Variants in TANC2 observed in about 807,000 individuals in gnomAD.
TANC2 encodes tetratricopeptide repeat, ankyrin repeat and coiled-coil containing 2.
Under a neutral mutation model 210.5 loss-of-function variants are expected in TANC2, and 26 were observed. The ratio of observed to expected loss-of-function variants is 0.12; its 90% CI spans 0.09 to 0.17. The LOEUF is 0.17. Ranked by LOEUF, TANC2 falls within the 10% of genes least tolerant of loss-of-function variation. TANC2 has a pLI of 1.00. For missense variants in TANC2, 2,129 were observed against 2,608.9 expected (o/e 0.82, Z 4.01); for synonymous variants, 931 against 967.1 (o/e 0.96, Z 0.69).
intron 4 of TANC2, among the ~76,000 whole-genome samples, chr17:63,119,914 G>A (rs529207757): frequency 2.6e-5 from 4 of 152,080 alleles, no homozygotes; most frequent in Admixed American, 1.3e-4. Context: ...CAGCTACTTG[G>A]GAGGCTGAGG....
intron 9 of TANC2, among the ~76,000 whole-genome samples, chr17:63,302,548 T>C (rs1598809800): frequency 1.3e-5 from 2 of 151,266 alleles, no homozygotes; most frequent in South Asian, 4.2e-4. Flanking sequence ...TCTTTTTTGA[T>C]CTTTGTTGGT....
intron 2 of TANC2, among the ~76,000 whole-genome samples, chr17:63,019,241 A>T (rs991739953): frequency 6.6e-6 from 1 of 152,094 alleles, no homozygotes; most frequent in Non-Finnish European, 1.5e-5. Flanking sequence ...TTATGGGGAC[A>T]GAGTCTCGCT....
At chr17:63,010,707 A>G (rs1255771847) in intron 2 of TANC2, among the ~76,000 whole-genome samples, 1 of 152,096 alleles carries the variant, frequency 6.6e-6, no homozygotes, top group South Asian at 2.1e-4. Flanking sequence ...CCCCTTTCTC[A>G]GGTTCTATCA....
chr17:63,168,125 T>C (rs1253582968), intron 5 of TANC2, among the ~76,000 whole-genome samples: 1 of 152,072 alleles, frequency 6.6e-6, no homozygotes, highest in Non-Finnish European at 1.5e-5. Context: ...CCCAACACTT[T>C]GGGAGGACGA....
At chr17:63,176,982 G>A (rs140252167) in intron 5 of TANC2, among the ~76,000 whole-genome samples, 322 of 151,862 alleles carry the variant, frequency 2.1e-3, no homozygotes, top group Middle Eastern at 0.01. Flanking sequence ...ACTGAATTGC[G>A]GCTGGGCACG....
At chr17:63,030,543 T>G (rs531590607) in intron 2 of TANC2, among the ~76,000 whole-genome samples, 8 of 152,122 alleles carry the variant, frequency 5.3e-5, no homozygotes, top group Non-Finnish European at 1.0e-4. Context: ...CTTGGGTCCC[T>G]TTTTAAGTTA....
chr17:63,421,523 G>A lies in TANC2; in HGVS notation c.5793G>A (p.Gly1931=). 6.2e-6 allele frequency: 10 copies of A among 1,614,004 alleles called. No individual in the cohort carries two copies. The highest frequency in any genetic ancestry group is 8.5e-6 in the Non-Finnish European group (10 of 1,179,900). The change falls in exon 28 of 28, where the codon GGG becomes GGA. Residue 1931 remains glycine, a synonymous_variant. Coordinates refer to ENST00000689528, the Ensembl canonical transcript of TANC2. This position sits in a 1 kb window ranked among gnomAD's most constrained non-coding sequence, Gnocchi z 6.9. Reference sequence around the variant, plus strand: ...GATCCAGGACCACACCATTCATGGGGATCATAGATAAAACAGCACGGACTC... The same window carrying A: ...GATCCAGGACCACACCATTCATGGGAATCATAGATAAAACAGCACGGACTC...
rs796816347 is a variant in TANC2 at position 63,346,872 on chromosome 17, A to AT, written c.1808-4364dup. ...AGGCATACACCACCATACCTGGCTA[A>AT]TTTTTTTTTTTTTTCAGAGATGGGG... On this transcript the variant is annotated intron_variant, in intron 12 of 27. Transcript: ENST00000689528. Among the ~76,000 whole-genome samples, 669 of 142,504 alleles carry AT rather than the reference A, an allele frequency of 4.7e-3. 5 individuals are homozygous for AT. Among genetic ancestry groups the AT allele is most frequent in the African/African-American group, 8.5e-3 (332 of 39,066 alleles). 93.5% of individuals were successfully genotyped at this position (142,504 alleles called of 152,430 possible).
intron 14 of TANC2, among the ~76,000 whole-genome samples, chr17:63,356,418 A>G (rs908669924): frequency 1.3e-5 from 2 of 152,180 alleles, no homozygotes; most frequent in African/African-American, 4.8e-5. Context: ...GCCAGATTTG[A>G]CTATGCCTCA....
chr17:63,263,100 G>A lies in TANC2; in HGVS notation c.1034-4648G>A, dbSNP rs759274928. Among the ~76,000 whole-genome samples the A allele has an allele frequency of 1.5e-3, 234 of 152,168 alleles. 2 individuals are homozygous for A. Among genetic ancestry groups the A allele is most frequent in the Non-Finnish European group, 8.8e-4 (60 of 67,992 alleles). ...TCCAGTAGACCTAGATAACTAAGAC[G>A]GGAAACATAAAGCGTGTGTATTGTT... On this transcript the variant is annotated intron_variant, in intron 8 of 27. Transcript: ENST00000689528.
At chr17:63,317,276 C>T (rs2045345435) in intron 10 of TANC2, among the ~76,000 whole-genome samples, 1 of 152,028 alleles carries the variant, frequency 6.6e-6, no homozygotes, top group South Asian at 2.1e-4. Context: ...CCTTGCTTGG[C>T]TGTCCTTCCC....
At position 63,121,778 on chromosome 17, in the gene TANC2, C is replaced by T. The variant is rs558866879; in HGVS notation, c.322+22421C>T. ...GTTGAAGACATGCTACTTAGATCATCGGGTCTGGGTATCATTTTAAAAATA... is the reference window on the plus strand; with the variant it reads ...GTTGAAGACATGCTACTTAGATCATTGGGTCTGGGTATCATTTTAAAAATA... On this transcript the variant is annotated intron_variant, in intron 4 of 27. Coordinates refer to ENST00000689528, the Ensembl canonical transcript of TANC2. Among the ~76,000 whole-genome samples, 31 of 152,152 alleles carry T rather than the reference C, an allele frequency of 2.0e-4. No homozygotes were observed. The South Asian group carries it at 2.9e-3, about 14-fold the overall frequency.
chr17:63,188,604 C>A (rs907497751), intron 5 of TANC2, among the ~76,000 whole-genome samples: 10 of 147,242 alleles, frequency 6.8e-5, no homozygotes, highest in Non-Finnish European at 1.0e-4. Context: ...AAAAAAAAAA[C>A]TGGCAAAATC....
At chr17:63,208,760 T>A (rs980419795) in intron 7 of TANC2, among the ~76,000 whole-genome samples, 1 of 152,174 alleles carries the variant, frequency 6.6e-6, no homozygotes, top group African/African-American at 2.4e-5. Flanking sequence ...TCCTAGATGC[T>A]TTATATTTTT....
chr17:63,360,765 C>T (rs1341415509), intron 14 of TANC2, among the ~76,000 whole-genome samples: 6 of 152,008 alleles, frequency 3.9e-5, no homozygotes, highest in Non-Finnish European at 8.8e-5. Flanking sequence ...ATTAGCCATG[C>T]CCCCCCTTTC....
At chr17:63,112,735 A>G (rs1183489797) in intron 4 of TANC2, among the ~76,000 whole-genome samples, 1 of 152,252 alleles carries the variant, frequency 6.6e-6, no homozygotes, top group Non-Finnish European at 1.5e-5. Context: ...TCTTGTGACA[A>G]ACAAGGGGAA....
chr17:63,186,603 G>C (rs2447445), intron 5 of TANC2, among the ~76,000 whole-genome samples: 89,579 of 151,758 alleles, frequency 0.59, 28,701 homozygotes, highest in African/African-American at 0.84. Context: ...TCCACCCCCC[G>C]CTTCAGCCTC....
chr17:63,266,348 C>G (rs540381459), intron 8 of TANC2, among the ~76,000 whole-genome samples: 1 of 152,194 alleles, frequency 6.6e-6, no homozygotes, highest in East Asian at 1.9e-4. Context: ...ATTGTTACGG[C>G]ACAGTGCTGA....
chr17:63,239,919 C>CAGG (rs1017831175), intron 8 of TANC2, among the ~76,000 whole-genome samples: 12 of 152,078 alleles, frequency 7.9e-5, no homozygotes, highest in African/African-American at 2.9e-4. Context: ...GGAGGAAGAG[C>CAGG]AGGAGGAGGA....
Sources: allele counts gnomAD v4.1 joint callset (sites outside exome capture counted in the v4.1 genomes callset), GRCh38; gene constraint gnomAD v4.1.1; non-coding constraint Gnocchi (gnomAD v3.1); transcripts MANE v1.5; gene names NCBI Gene and HGNC (gene_info 2026-07-23, HGNC 2026-07-21).